The following SLC7A2 variants were observed in gnomAD, a reference collection of about 807,000 sequenced individuals.
SLC7A2 encodes solute carrier family 7 member 2, also known as cationic amino acid transporter 2.
A neutral mutation model predicts 58.9 loss-of-function variants in SLC7A2; 48 were observed. The observed-to-expected ratio is 0.82, with a 90% CI of 0.65 to 1.04. The LOEUF (loss-of-function observed/expected upper bound fraction) is 1.04. SLC7A2 is among the 50% of genes least tolerant of loss of function. The pLI, the probability that SLC7A2 is intolerant of heterozygous loss-of-function variation, is 0.00. For synonymous variants in SLC7A2, 363 were observed against 314.5 expected (o/e 1.15, Z -1.63); for missense variants, 1,029 against 818.8 (o/e 1.26, Z -3.13).
At chr8:17,496,051 T>G (rs1799949483), upstream of SLC7A2, among the ~76,000 whole-genome samples, 1 of 152,246 alleles carries the variant, frequency 6.6e-6, no homozygotes, top group Non-Finnish European at 1.5e-5. Flanking sequence ...TCTGGCACTT[T>G]GCCAAAGTTA....
At position 17,543,621 on chromosome 8, in the gene SLC7A2, CA is replaced by C; in HGVS notation, c.284del (p.Lys95ArgfsTer11). 2 of 1,596,314 alleles carry C rather than the reference CA, an allele frequency of 1.3e-6. No individual in the cohort carries two copies. Among genetic ancestry groups the C allele is most frequent in the Non-Finnish European group, 1.7e-6 (2 of 1,171,746 alleles). On this transcript the variant is annotated frameshift_variant, in exon 3 of 13. Transcript: ENST00000494857. LOFTEE classifies it high-confidence loss of function. ...CYAEFGARVPKTGSAYLYTYV... is the reference protein window; with the variant it reads ...CYAEFGARVPXTGSAYLYTYV... ...ATGCCGAATTTGGGGCCCGTGTTCC[CA>C]AGACGGGGTCTGCATATTTGTACAC...
At chr8:17,546,723 T>C (rs1802190264) in intron 4 of SLC7A2, among the ~76,000 whole-genome samples, 1 of 152,194 alleles carries the variant, frequency 6.6e-6, no homozygotes, top group African/African-American at 2.4e-5. Context: ...TTCAAGTTCT[T>C]TCATCTCTGC....
rs1362153864 is a variant in SLC7A2 at position 17,565,266 on chromosome 8, T to G, written c.*120T>G. On this transcript the variant is annotated 3_prime_UTR_variant, in exon 13 of 13. Transcript: ENST00000494857. ...GGTTTGCTGCATACATAGTTCACCC[T>G]AATTTATACTTACTCATCTGGACAG... The G allele has an allele frequency of 1.4e-6, 1 of 724,148 alleles. No individual in the cohort carries two copies. The highest frequency in any genetic ancestry group is 1.8e-5 in the African/African-American group (1 of 56,038). The allele number at this position is 724,148 out of a possible 1,614,324, so 44.9% of individuals were successfully genotyped here.
At chr8:17,550,517 G>C in intron 6 of SLC7A2, 83 bp downstream of exon 6, 1 of 1,336,612 alleles carries the variant, frequency 7.5e-7, no homozygotes, top group South Asian at 1.4e-5. Flanking sequence ...GAGGGTCCAG[G>C]AAAGAGAGAG....
chr8:17,553,591 C>T (rs1157958324), intron 7 of SLC7A2, among the ~76,000 whole-genome samples: 3 of 152,084 alleles, frequency 2.0e-5, no homozygotes, highest in Non-Finnish European at 4.4e-5. Context: ...GGCAACGTAG[C>T]AAGGCTCGGT....
intron 2 of SLC7A2, among the ~76,000 whole-genome samples, chr8:17,515,169 A>G (rs749603663): frequency 6.6e-6 from 1 of 152,238 alleles, no homozygotes; most frequent in Non-Finnish European, 1.5e-5. Context: ...TGATCTAAAT[A>G]GTCAGTATGT....
At chr8:17,501,161 G>A (rs1347169085) in intron 1 of SLC7A2, among the ~76,000 whole-genome samples, 1 of 152,134 alleles carries the variant, frequency 6.6e-6, no homozygotes, top group South Asian at 2.1e-4. Context: ...TTACAGGCGT[G>A]TGCCACCATG....
intron 2 of SLC7A2, among the ~76,000 whole-genome samples, chr8:17,518,897 A>G (rs1405877104): frequency 2.0e-5 from 3 of 152,116 alleles, no homozygotes; most frequent in African/African-American, 7.2e-5. Context: ...TGGTGCCAGC[A>G]TGGTTGAGCT....
intron 4 of SLC7A2, among the ~76,000 whole-genome samples, chr8:17,545,479 C>T (rs1316541838): frequency 7.1e-6 from 1 of 140,116 alleles, no homozygotes; most frequent in Non-Finnish European, 1.5e-5. Flanking sequence ...GGTACTGCAA[C>T]CTCCGTCTCC....
Position 17,548,742 on chromosome 8 carries a change from T to G in SLC7A2, c.597T>G (p.Ile199Met), listed in dbSNP as rs370484084. The change falls in exon 5 of 13, where the codon ATT becomes ATG. Residue 199 changes from isoleucine to methionine, a missense_variant. Physicochemically the swap from Ile to Met is conservative, Grantham distance 10. Coordinates refer to ENST00000494857, the MANE Select transcript of SLC7A2 (RefSeq NM_001370338.1). The stretch of plus-strand genomic sequence containing the variant: ...ATAAAGTCTTCACAGCTGTTAATAT[T>G]CTCGTCCTTCTGTTTGTGATGGTTG... The part of the protein sequence containing the change: ...WVNKVFTAVN[I>M]LVLLFVMVAG... The G allele has an allele frequency of 8.7e-6, 14 of 1,613,734 alleles. No homozygotes were observed. The highest frequency in any genetic ancestry group is 8.5e-6 in the Non-Finnish European group (10 of 1,179,766).
rs529248154 is a variant in SLC7A2 at position 17,501,724 on chromosome 8, T to A, written c.-68-533T>A. On this transcript the variant is annotated intron_variant, in intron 1 of 12. Coordinates refer to ENST00000494857, the MANE Select transcript of SLC7A2 (RefSeq NM_001370338.1). ...CTCCTGCAAAACATAAAATATAAAA[T>A]ATGTAAAATGAGATAAAAAAATGAA... is the stretch of plus-strand genomic sequence containing the variant. Among the ~76,000 whole-genome samples, 795 of 152,118 alleles carry A rather than the reference T, an allele frequency of 5.2e-3. 6 individuals carry two copies. The highest frequency in any genetic ancestry group is 8.5e-3 in the Non-Finnish European group (580 of 67,988).
rs568540221 is a variant in SLC7A2, at chr8:17,565,852, C to A, written c.*706C>A. 6 of 152,352 alleles carry A rather than the reference C, an allele frequency of 3.9e-5. No individual in the cohort carries two copies. Among genetic ancestry groups the A allele is most frequent in the African/African-American group, 1.4e-4 (6 of 41,584 alleles). 9.4% of individuals were successfully genotyped at this position (152,352 alleles called of 1,614,324 possible). ...AGTGGCATTCCATGCCACTAGTTGG[C>A]ATCCTTTTGAACTTTTGTCTCCTTT... On this transcript the variant is annotated 3_prime_UTR_variant, in exon 13 of 13. Coordinates refer to ENST00000494857, the MANE Select transcript of SLC7A2 (RefSeq NM_001370338.1).
chr8:17,494,441 A>G (rs953999254), upstream of SLC7A2, among the ~76,000 whole-genome samples: 2 of 152,198 alleles, frequency 1.3e-5, no homozygotes, highest in African/African-American at 4.8e-5. Flanking sequence ...TAAGGAGGAA[A>G]CTTGACGGCT....
intron 2 of SLC7A2, chr8:17,510,840 T>C (rs1447110309): frequency 6.6e-6 from 1 of 152,174 alleles, no homozygotes; most frequent in Admixed American, 6.5e-5. Context: ...AGCAAAGACA[T>C]GGAACCAACC....
chr8:17,511,658 TAA>T, intron 2 of SLC7A2, among the ~76,000 whole-genome samples: 1 of 152,342 alleles, frequency 6.6e-6, no homozygotes, highest in Admixed American at 6.5e-5. Context: ...GACTATACTT[TAA>T]AAAAGCTACT....
chr8:17,562,706 G>T (rs777678388), intron 11 of SLC7A2, among the ~76,000 whole-genome samples: 13 of 152,076 alleles, frequency 8.5e-5, no homozygotes, highest in Admixed American at 2.0e-4. Context: ...AAACACTTGG[G>T]TATGTTCCTA....
chr8:17,511,274 A>T (rs1800593824), intron 2 of SLC7A2: 1 of 152,184 alleles, frequency 6.6e-6, no homozygotes, highest in Non-Finnish European at 1.5e-5. Context: ...TTAAAAAAAA[A>T]ATCTATAGAA....
chr8:17,543,814 T>A, intron 3 of SLC7A2, 99 bp downstream of exon 3: 1 of 1,052,940 alleles, frequency 9.5e-7, no homozygotes, highest in African/African-American at 1.6e-5. Flanking sequence ...GTACATCACT[T>A]GATGTCTGTG....
chr8:17,495,068 A>G (rs1207228910), upstream of SLC7A2, among the ~76,000 whole-genome samples: 1 of 152,232 alleles, frequency 6.6e-6, no homozygotes, highest in African/African-American at 2.4e-5. Flanking sequence ...TTAAACACAG[A>G]GCCTTTAAGT....
Sources: allele counts gnomAD v4.1 joint callset (sites outside exome capture counted in the v4.1 genomes callset), GRCh38; gene constraint gnomAD v4.1.1; transcripts MANE v1.5; gene names NCBI Gene and HGNC (gene_info 2026-07-23, HGNC 2026-07-21).